DHRS2: variants seen among roughly 807,000 people sequenced by gnomAD.
DHRS2 encodes dehydrogenase/reductase SDR family member 2, mitochondrial.
DHRS2 carries 29 observed loss-of-function variants against 26.3 expected under a neutral mutation model. The ratio of observed to expected loss-of-function variants is 1.10; its 90% confidence interval spans 0.82 to 1.50. DHRS2 has a LOEUF of 1.50. Among genes scored for constraint, DHRS2 ranks in the 40% most tolerant of loss-of-function variants. The pLI, the probability that DHRS2 is intolerant of heterozygous loss-of-function variation, is 0.00. For missense variants in DHRS2, 439 were observed against 367.1 expected (o/e 1.20, Z -1.60); for synonymous variants, 164 against 151.3 (o/e 1.08, Z -0.62).
At position 23,640,360 on chromosome 14, in the gene DHRS2, T is replaced by G. The variant is rs1890597061; in HGVS notation, c.420+465T>G. ...TCCTAGAAGGGGGCTCCTCACTGAG[T>G]CCCACACAAACTTGCCGACAGGACC... On this transcript the variant is annotated intron_variant, in intron 4 of 8. Coordinates refer to ENST00000250383, the MANE Select transcript of DHRS2 (RefSeq NM_005794.4). The G allele has an allele frequency of 4.1e-6, 4 of 985,300 alleles. No individual in the cohort carries two copies. The South Asian group carries it at 1.4e-4, about 35-fold the overall frequency. 61.0% of individuals were successfully genotyped at this position (985,300 alleles called of 1,614,324 possible). A position where few individuals can be genotyped will look rare whatever the true frequency, so the allele number is the denominator to read the frequency against.
At chr14:23,637,606 T>A (rs1890387977) in intron 1 of DHRS2, among the ~76,000 whole-genome samples, 1 of 152,126 alleles carries the variant, frequency 6.6e-6, no homozygotes, top group African/African-American at 2.4e-5. Flanking sequence ...AACAGGAGAA[T>A]GCTTAGGACT....
At chr14:23,641,635 G>A (rs1000530521) in intron 4 of DHRS2, 17 of 1,289,640 alleles carry the variant, frequency 1.3e-5, no homozygotes, top group African/African-American at 4.6e-5. Flanking sequence ...AACCCTTACA[G>A]CTAACCTAAT....
rs949502835 is a variant in DHRS2, at chr14:23,644,287, G to A, written c.541-122G>A. 4.5e-6 allele frequency: 7 copies of A among 1,557,096 alleles called. No individual in the cohort carries two copies. The African/African-American group carries it at 8.2e-5, about 18-fold the overall frequency. On this transcript the variant is annotated intron_variant, in intron 6 of 8. Transcript: ENST00000250383. ...CACCATCCTCCTGCTGCCCTGGGCT[G>A]AGCTTGTCTCCATGTGGGTGGGAGG... is the stretch of plus-strand genomic sequence containing the variant.
chr14:23,636,400 C>G lies in DHRS2; in HGVS notation c.-411C>G, dbSNP rs778388574. On this transcript the variant is annotated 5_prime_UTR_variant, in exon 1 of 9. Coordinates refer to ENST00000250383, the MANE Select transcript of DHRS2 (RefSeq NM_005794.4). The stretch of plus-strand genomic sequence containing the variant: ...CTGGTTCCCTTCCACGCTGTGGAAG[C>G]TTTGTTCTTTTGGTCTTCATGATAA... The G allele has an allele frequency of 6.6e-6, 1 of 152,042 alleles. No individual in the cohort carries two copies. The highest frequency in any genetic ancestry group is 1.5e-5 in the Non-Finnish European group (1 of 68,014). 9.4% of individuals were successfully genotyped at this position (152,042 alleles called of 1,614,324 possible).
At chr14:23,636,821 T>C (rs749419801) in intron 1 of DHRS2, 49 bp downstream of exon 1, 1 of 152,250 alleles carries the variant, frequency 6.6e-6, no homozygotes, top group Non-Finnish European at 1.5e-5. Flanking sequence ...CTATTTTTCC[T>C]TAGAATTCGG....
At chr14:23,644,051 A>C (rs773934049) in intron 5 of DHRS2, 60 bp from the exon 6 acceptor site, 24 of 1,474,578 alleles carry the variant, frequency 1.6e-5, no homozygotes, top group Non-Finnish European at 2.2e-5. Context: ...AACTCATGAT[A>C]GTGTCACCAT....
intron 7 of DHRS2, 113 bp downstream of exon 7, chr14:23,644,656 G>A: frequency 1.3e-6 from 2 of 1,538,932 alleles, no homozygotes. Context: ...TATGACTGAG[G>A]TCCTCATTGT....
At chr14:23,644,741 CT>C in intron 7 of DHRS2, 85 bp from the exon 8 acceptor site, 1 of 1,529,618 alleles carries the variant, frequency 6.5e-7, no homozygotes, top group Non-Finnish European at 9.0e-7. Context: ...CAAAGCTGCC[CT>C]AGGTGTTCTG....
chr14:23,645,121 C>T (rs1194222432), intron 8 of DHRS2, 21 bp from the exon 9 acceptor site: 4 of 1,613,764 alleles, frequency 2.5e-6, no homozygotes, highest in Non-Finnish European at 3.4e-6. Context: ...ATGCTTGACA[C>T]TGTGTCCTTC....
chr14:23,643,492 C>T, intron 5 of DHRS2: 1 of 447,712 alleles, frequency 2.2e-6, no homozygotes, highest in Non-Finnish European at 4.1e-6. Context: ...AACTCCTTGA[C>T]CTTGTGGGCT....
Position 23,645,538 on chromosome 14 carries a change from A to T in DHRS2, c.*285A>T, listed in dbSNP as rs2138398771. 1.9e-6 allele frequency: 1 copy of T among 513,368 alleles called. No individual in the cohort carries two copies. Among genetic ancestry groups the T allele is most frequent in the East Asian group, 3.2e-5 (1 of 30,944 alleles). 31.8% of individuals were successfully genotyped at this position (513,368 alleles called of 1,614,324 possible). A position where few individuals can be genotyped will look rare whatever the true frequency, so the allele number is the denominator to read the frequency against. ...GGTGCTTTGGAGGAATCTTAAGGGA[A>T]AGGAGTAGAAGCTCAGGCCTTTGAA... On this transcript the variant is annotated 3_prime_UTR_variant, in exon 9 of 9. Transcript: ENST00000250383.
chr14:23,645,408 C>T lies in DHRS2; in HGVS notation c.*155C>T. On this transcript the variant is annotated 3_prime_UTR_variant, in exon 9 of 9. Coordinates refer to ENST00000250383, the MANE Select transcript of DHRS2 (RefSeq NM_005794.4). ...CTAGGCTTGAGGAAGAAGAAAAACG[C>T]TTCGGCATTCTCCTTAGGACTTATC... 6.8e-7 allele frequency: 1 copy of T among 1,468,246 alleles called. No individual in the cohort carries two copies. The highest frequency in any genetic ancestry group is 9.2e-7 in the Non-Finnish European group (1 of 1,089,408). The allele number at this position is 1,468,246 out of a possible 1,614,324, so 91.0% of individuals were successfully genotyped here.
chr14:23,639,368 G>A lies in DHRS2; in HGVS notation c.318+12G>A, dbSNP rs1397451708. On this transcript the variant is annotated intron_variant, in intron 3 of 8. Transcript: ENST00000250383. ...AGCTGGTGGCCAAGGTGAGGGGGCA[G>A]GCGGTGGAAGGACACAGAGAGGGGA... 1.9e-6 allele frequency: 3 copies of A among 1,554,656 alleles called. No homozygotes were observed. The highest frequency in any genetic ancestry group is 2.6e-6 in the Non-Finnish European group (3 of 1,153,250).
intron 1 of DHRS2, 40 bp from the exon 2 acceptor site, chr14:23,638,787 T>C (rs1471196715): frequency 3.2e-6 from 5 of 1,555,684 alleles, no homozygotes; most frequent in Non-Finnish European, 4.4e-6. Context: ...TCATGCTCAC[T>C]GAGGCATCAG....
At chr14:23,638,774 C>A (rs1428911996) in intron 1 of DHRS2, 53 bp from the exon 2 acceptor site, 3 of 1,532,008 alleles carry the variant, frequency 2.0e-6, no homozygotes, top group Non-Finnish European at 2.7e-6. Flanking sequence ...GGGTAGATTA[C>A]CTTCATGCTC....
intron 4 of DHRS2, chr14:23,642,884 G>T: frequency 2.9e-6 from 1 of 344,968 alleles, no homozygotes; most frequent in Non-Finnish European, 5.4e-6. Flanking sequence ...TTCTTTAAAA[G>T]GCCTGAACAT....
intron 4 of DHRS2, chr14:23,640,133 C>CT (rs1235773722): frequency 2.7e-6 from 2 of 731,688 alleles, no homozygotes; most frequent in African/African-American, 3.7e-5. Context: ...CTTCTCATCA[C>CT]TTTTTCATTT....
Position 23,645,226 on chromosome 14 carries a change from G to C in DHRS2, c.816G>C (p.Ala272=). The part of the protein sequence containing the change: ...DASYVNGENI[A]VAGYSTRL ...GCTACGTCAACGGGGAGAACATTGC[G>C]GTGGCAGGCTACTCCACTCGGCTCT... Residue 272 remains alanine, a synonymous_variant, in exon 9 of 9, where the codon GCG becomes GCC. Coordinates refer to ENST00000250383, the MANE Select transcript of DHRS2 (RefSeq NM_005794.4). 1.2e-6 allele frequency: 2 copies of C among 1,614,144 alleles called. No homozygotes were observed. Among genetic ancestry groups the C allele is most frequent in the Non-Finnish European group, 1.7e-6 (2 of 1,180,042 alleles).
intron 5 of DHRS2, 108 bp from the exon 6 acceptor site, chr14:23,644,003 G>A (rs1890770543): frequency 1.8e-6 from 2 of 1,121,618 alleles, no homozygotes; most frequent in Non-Finnish European, 2.7e-6. Flanking sequence ...ACAGTAATAG[G>A]ACCTGTGTTG....
Sources: gnomAD v4.1 joint callset for allele counts (sites outside exome capture counted in the v4.1 genomes callset) on GRCh38, gnomAD v4.1.1 for gene constraint, MANE v1.5 for transcripts, NCBI Gene and HGNC (gene_info 2026-07-23, HGNC 2026-07-21) for gene names.